ARHGAP24: variants seen among roughly 807,000 people sequenced by gnomAD.
The protein encoded by ARHGAP24 is Rho GTPase activating protein 24.
ARHGAP24 carries 50 observed loss-of-function variants against 76.4 expected under a neutral mutation model. The observed-to-expected ratio is 0.65, with a 90% CI of 0.52 to 0.83. The LOEUF (loss-of-function observed/expected upper bound fraction) is 0.83, where lower values mean the gene tolerates loss of function less well. Among genes scored for constraint, ARHGAP24 ranks in the 40% least tolerant of loss-of-function variants. The probability of loss-of-function intolerance (pLI) is 0.00; values close to 1 mark genes in which losing one functional copy is unlikely to be tolerated. For synonymous variants in ARHGAP24, 345 were observed against 323.3 expected (o/e 1.07, Z -0.72); for missense variants, 930 against 914.2 (o/e 1.02, Z -0.22).
chr4:85,573,313 C>A (rs955696334), intron 2 of ARHGAP24, among the ~76,000 whole-genome samples: 1 of 152,180 alleles, frequency 6.6e-6, no homozygotes, highest in Admixed American at 6.5e-5. Context: ...TAAGAACTGA[C>A]AATTTCTGTA....
chr4:85,685,096 T>C (rs550843638), intron 2 of ARHGAP24, among the ~76,000 whole-genome samples: 155 of 152,230 alleles, frequency 1.0e-3, no homozygotes, highest in Non-Finnish European at 2.0e-3. Flanking sequence ...AATTTTTCTT[T>C]ATAGCAGTTT....
chr4:85,533,328 A>C (rs988602638), intron 1 of ARHGAP24, among the ~76,000 whole-genome samples: 2 of 152,214 alleles, frequency 1.3e-5, no homozygotes, highest in Admixed American at 6.5e-5. Context: ...CAAGCTAGAT[A>C]AGTATACTTT....
At chr4:85,705,130 G>A (rs1471951960) in intron 2 of ARHGAP24, among the ~76,000 whole-genome samples, 1 of 151,812 alleles carries the variant, frequency 6.6e-6, no homozygotes, top group Admixed American at 6.6e-5. Flanking sequence ...ACTATAATTT[G>A]AATTATGATC....
intron 8 of ARHGAP24, chr4:85,990,593 A>G (rs1740264718): frequency 6.6e-6 from 1 of 151,934 alleles, no homozygotes; most frequent in Non-Finnish European, 1.5e-5. Context: ...ACACAGATCA[A>G]TGAAATAGAA....
chr4:85,747,105 T>C (rs1386480549), intron 3 of ARHGAP24, among the ~76,000 whole-genome samples: 3 of 152,310 alleles, frequency 2.0e-5, no homozygotes, highest in African/African-American at 7.2e-5. Flanking sequence ...TAAACAGCAC[T>C]AGAAACATTT....
intron 3 of ARHGAP24, among the ~76,000 whole-genome samples, chr4:85,783,914 GC>G (rs1727678498): frequency 6.6e-6 from 1 of 152,092 alleles, no homozygotes; most frequent in Non-Finnish European, 1.5e-5. Context: ...TTGCACCTTT[GC>G]TTTTCCTCAC....
intron 2 of ARHGAP24, among the ~76,000 whole-genome samples, chr4:85,578,957 A>C (rs1028315409): frequency 6.6e-6 from 1 of 152,194 alleles, no homozygotes; most frequent in Non-Finnish European, 1.5e-5. Context: ...CTTGTCACCT[A>C]TGCTGTCAAA....
intron 8 of ARHGAP24, chr4:85,990,040 C>T (rs186789462): frequency 4.0e-5 from 6 of 151,664 alleles, no homozygotes; most frequent in African/African-American, 9.6e-5. Flanking sequence ...ACATCTATGT[C>T]GAAAATTCTT....
chr4:85,660,111 G>A (rs1329425858), intron 2 of ARHGAP24, among the ~76,000 whole-genome samples: 2 of 152,096 alleles, frequency 1.3e-5, no homozygotes, highest in African/African-American at 4.8e-5. Flanking sequence ...TTTTAACTTT[G>A]CAGTTGAGTG....
intron 3 of ARHGAP24, among the ~76,000 whole-genome samples, chr4:85,764,427 T>G (rs545352208): frequency 2.6e-5 from 4 of 152,304 alleles, no homozygotes; most frequent in African/African-American, 4.8e-5. Context: ...ATGGAGTCAC[T>G]GCAATTTGAT....
chr4:85,667,419 G>T (rs1435919722), intron 2 of ARHGAP24, among the ~76,000 whole-genome samples: 1 of 151,792 alleles, frequency 6.6e-6, no homozygotes, highest in Non-Finnish European at 1.5e-5. Flanking sequence ...TCTTTGACTA[G>T]GAAAGGGAAC....
In ARHGAP24 at chr4:85,864,848, A is replaced by T. The variant is rs189123943; in HGVS notation, c.269-58800A>T. Reference sequence around the variant, plus strand: ...GATTTTTCTTTTTTATGTGTTAGATAAATAGAGGATCTCTGGCTGAGGCTT... The same window carrying T: ...GATTTTTCTTTTTTATGTGTTAGATTAATAGAGGATCTCTGGCTGAGGCTT... On this transcript the variant is annotated intron_variant, in intron 3 of 9. Transcript: ENST00000395184. Among the ~76,000 whole-genome samples the T allele has an allele frequency of 3.9e-5, 6 of 152,230 alleles. No individual in the cohort carries two copies. In the East Asian group the frequency reaches 9.7e-4, roughly 24 times the overall value.
At chr4:85,947,088 A>T (rs1737319870) in intron 5 of ARHGAP24, among the ~76,000 whole-genome samples, 1 of 152,096 alleles carries the variant, frequency 6.6e-6, no homozygotes. Context: ...ATTGGTGATG[A>T]TGAGCATTTT....
chr4:85,807,352 A>G (rs1166457433), intron 3 of ARHGAP24, among the ~76,000 whole-genome samples: 1 of 151,720 alleles, frequency 6.6e-6, no homozygotes, highest in East Asian at 1.9e-4. Flanking sequence ...GAGTGAGAAC[A>G]TGTGGTATTT....
chr4:85,953,381 A>G (rs1438605001), intron 5 of ARHGAP24, among the ~76,000 whole-genome samples: 2 of 152,208 alleles, frequency 1.3e-5, no homozygotes, highest in Non-Finnish European at 2.9e-5. Flanking sequence ...AAAATTTAGG[A>G]GACAGAAAAG....
chr4:85,795,884 C>T (rs1260915882), intron 3 of ARHGAP24, among the ~76,000 whole-genome samples: 1 of 152,110 alleles, frequency 6.6e-6, no homozygotes, highest in Non-Finnish European at 1.5e-5. Context: ...CACTCATTCA[C>T]ACATGCTCAA....
Position 85,875,061 on chromosome 4 carries a change from G to T in ARHGAP24, c.269-48587G>T, listed in dbSNP as rs907839337. ...TATATTATTTATATATAATATATTT[G>T]TTTTATATATTATATTATATATAAT... On this transcript the variant is annotated intron_variant, in intron 3 of 9. Coordinates refer to ENST00000395184, the MANE Select transcript of ARHGAP24 (RefSeq NM_001025616.3). 0.065 allele frequency among the ~76,000 whole-genome samples: 133 copies of T among 2,042 alleles called. 13 individuals are homozygous for T. The East Asian group carries it at 1, about 15-fold the overall frequency. The allele number at this position is 2,042 out of a possible 152,430, so 1.3% of individuals were successfully genotyped here. A position where few individuals can be genotyped will look rare whatever the true frequency, so the allele number is the denominator to read the frequency against.
chr4:85,755,286 C>T (rs1028807476), intron 3 of ARHGAP24, among the ~76,000 whole-genome samples: 1 of 152,084 alleles, frequency 6.6e-6, no homozygotes, highest in African/African-American at 2.4e-5. Flanking sequence ...TGCCTACATC[C>T]TGTAGGTGAA....
intron 3 of ARHGAP24, among the ~76,000 whole-genome samples, chr4:85,852,240 A>T (rs1345717894): frequency 6.6e-6 from 1 of 152,182 alleles, no homozygotes; most frequent in Non-Finnish European, 1.5e-5. Flanking sequence ...TGATCGAATC[A>T]GCTACTGAAG....
Sources: gnomAD v4.1 joint callset for allele counts (sites outside exome capture counted in the v4.1 genomes callset) on GRCh38, gnomAD v4.1.1 for gene constraint, MANE v1.5 for transcripts, NCBI Gene and HGNC (gene_info 2026-07-23, HGNC 2026-07-21) for gene names.